Variants in DIAPH3 observed in about 807,000 individuals in gnomAD.
DIAPH3 encodes protein diaphanous homolog 3.
Under a neutral mutation model 144.3 loss-of-function variants are expected in DIAPH3, and 117 were observed. That is an observed-to-expected ratio of 0.81 (90% CI 0.70 to 0.95). The LOEUF (loss-of-function observed/expected upper bound fraction) is 0.95, where lower values mean the gene tolerates loss of function less well. Ranked by LOEUF, DIAPH3 falls within the 40% of genes least tolerant of loss-of-function variation. The pLI, the probability that DIAPH3 is intolerant of heterozygous loss-of-function variation, is 0.00. For synonymous variants in DIAPH3, 519 were observed against 488.9 expected, an observed-to-expected ratio of 1.06 and a Z score of -0.81; for missense variants, 1,421 against 1,412.7, an observed-to-expected ratio of 1.01 and a Z score of -0.09.
At chr13:59,940,923 G>T (rs1215614364) in intron 17 of DIAPH3, among the ~76,000 whole-genome samples, 1 of 152,164 alleles carries the variant, frequency 6.6e-6, no homozygotes, top group Non-Finnish European at 1.5e-5. Flanking sequence ...ATTCTACCCT[G>T]CAGAGAAAGT....
intron 15 of DIAPH3, among the ~76,000 whole-genome samples, chr13:59,971,534 T>C (rs17057477): frequency 0.07 from 10,633 of 152,142 alleles, 413 homozygotes; most frequent in Admixed American, 0.11. Flanking sequence ...ATGGAGAGAA[T>C]ATGTAGCATG....
chr13:59,777,922 T>C (rs933108327), intron 25 of DIAPH3, among the ~76,000 whole-genome samples: 12 of 152,134 alleles, frequency 7.9e-5, no homozygotes, highest in Non-Finnish European at 1.8e-4. Context: ...AAGTTATATA[T>C]GACGTTATTG....
chr13:60,050,731 T>C (rs1333645769), intron 4 of DIAPH3, among the ~76,000 whole-genome samples: 2 of 152,144 alleles, frequency 1.3e-5, no homozygotes, highest in Non-Finnish European at 2.9e-5. Context: ...TGGATAAGTA[T>C]TGGAGAGTTC....
rs539438946 is a variant in DIAPH3 at position 59,790,869 on chromosome 13, C to T, written c.3164-16046G>A. Among the ~76,000 whole-genome samples, 9 of 152,240 alleles carry T rather than the reference C, an allele frequency of 5.9e-5. No homozygotes were observed. In the East Asian group the frequency reaches 1.5e-3, roughly 26 times the overall value. On this transcript the variant is annotated intron_variant, in intron 25 of 27. Coordinates refer to ENST00000400324, the MANE Select transcript of DIAPH3 (RefSeq NM_001042517.2). ...CAAGAGAACAATGAAAGACTCCCTC[C>T]CCCCGCTCCACAACTATAAAAAGCT...
intron 22 of DIAPH3, among the ~76,000 whole-genome samples, chr13:59,852,618 G>A (rs559203774): frequency 1.8e-4 from 27 of 152,208 alleles, no homozygotes; most frequent in South Asian, 6.2e-4. Context: ...TGTCCAACTC[G>A]TAAAAATGCA....
chr13:60,053,408 T>G (rs1343168657), intron 4 of DIAPH3, among the ~76,000 whole-genome samples: 3 of 152,148 alleles, frequency 2.0e-5, no homozygotes, highest in Non-Finnish European at 4.4e-5. Context: ...TCTTTTTAAA[T>G]CCTTTAGCAA....
chr13:59,892,880 T>C (rs1193408707), intron 20 of DIAPH3, among the ~76,000 whole-genome samples: 1 of 152,010 alleles, frequency 6.6e-6, no homozygotes, highest in Admixed American at 6.6e-5. Flanking sequence ...ATAGACTGCC[T>C]ATAAAAACTG....
intron 24 of DIAPH3, among the ~76,000 whole-genome samples, chr13:59,823,563 T>C (rs1380248728): frequency 6.6e-6 from 1 of 152,174 alleles, no homozygotes; most frequent in Non-Finnish European, 1.5e-5. Context: ...ATGCTTCCTA[T>C]TAAAATTGCA....
chr13:59,873,535 G>A (rs1006617804), intron 21 of DIAPH3, among the ~76,000 whole-genome samples: 2 of 152,094 alleles, frequency 1.3e-5, no homozygotes, highest in Non-Finnish European at 2.9e-5. Flanking sequence ...AAAATGGCTC[G>A]AGAAACAGGC....
At position 59,969,945 on chromosome 13, in the gene DIAPH3, T is replaced by A; in HGVS notation, c.2073A>T (p.Lys691Asn). ...AAATAATCAAGATGTTAAACTTACC[T>A]TTTTGTTGGCAACAAAATGTATTCT... Reference protein sequence around the residue: ...KLENTFCCQQKERREEEDIEE... With the variant: ...KLENTFCCQQNERREEEDIEE... The change falls in exon 17 of 28, where the codon AAA (lysine) becomes AAT (asparagine). Residue 691 changes from lysine (K) to asparagine (N), a missense_variant and splice_region_variant. Coordinates refer to ENST00000400324, the MANE Select transcript of DIAPH3 (RefSeq NM_001042517.2). The A allele has an allele frequency of 6.3e-7, 1 of 1,583,244 alleles. No homozygotes were observed. Among genetic ancestry groups the A allele is most frequent in the Non-Finnish European group, 8.7e-7 (1 of 1,155,824 alleles).
rs191010233 is a variant in DIAPH3, at chr13:59,990,577, T to C, written c.1361+581A>G. Among the ~76,000 whole-genome samples the C allele has an allele frequency of 1.3e-3, 200 of 152,032 alleles. 1 individual carries two copies. The highest frequency in any genetic ancestry group is 4.6e-3 in the African/African-American group (191 of 41,532). ...TAGAACTTTTACCCACATTCCCATA[T>C]TTCATCTGCCTAACAACCCAGTGAG... is the stretch of plus-strand genomic sequence containing the variant. On this transcript the variant is annotated intron_variant, in intron 12 of 27. Transcript: ENST00000400324.
At chr13:60,033,842 A>T (rs917809102) in intron 5 of DIAPH3, among the ~76,000 whole-genome samples, 5 of 152,200 alleles carry the variant, frequency 3.3e-5, no homozygotes, top group Non-Finnish European at 7.3e-5. Flanking sequence ...TAATAAAAGA[A>T]CTATTAATCC....
At chr13:59,758,795 T>TA (rs2037418080) in intron 27 of DIAPH3, among the ~76,000 whole-genome samples, 1 of 150,972 alleles carries the variant, frequency 6.6e-6, no homozygotes, top group African/African-American at 2.4e-5. Context: ...TTTTTTTTTT[T>TA]AAGAGACAGG....
chr13:60,015,413 A>T (rs1026589959), intron 7 of DIAPH3, among the ~76,000 whole-genome samples: 1 of 152,188 alleles, frequency 6.6e-6, no homozygotes, highest in African/African-American at 2.4e-5. Flanking sequence ...ATCTGTTTAC[A>T]TTAATTTCAT....
intron 4 of DIAPH3, among the ~76,000 whole-genome samples, chr13:60,082,669 AC>A (rs2057602500): frequency 6.6e-6 from 1 of 152,126 alleles, no homozygotes; most frequent in African/African-American, 2.4e-5. Flanking sequence ...ATATACTATT[AC>A]CAACATGCAA....
chr13:59,793,598 A>G (rs2039433920), intron 25 of DIAPH3, among the ~76,000 whole-genome samples: 1 of 151,944 alleles, frequency 6.6e-6, no homozygotes, highest in South Asian at 2.1e-4. Context: ...TCTTCCTACT[A>G]CTTTCATGTG....
intron 17 of DIAPH3, among the ~76,000 whole-genome samples, chr13:59,940,701 A>T (rs940669589): frequency 8.5e-5 from 13 of 152,052 alleles, no homozygotes; most frequent in African/African-American, 3.1e-4. Flanking sequence ...TCATCTAATT[A>T]AAAAAAATCT....
At chr13:60,146,420 G>A (rs553044616) in intron 1 of DIAPH3, among the ~76,000 whole-genome samples, 4 of 152,206 alleles carry the variant, frequency 2.6e-5, no homozygotes, top group African/African-American at 4.8e-5. Flanking sequence ...CTGCCTGCCA[G>A]AGCTAAACAT....
At chr13:59,852,326 A>T (rs1185140190) in intron 22 of DIAPH3, among the ~76,000 whole-genome samples, 4 of 152,174 alleles carry the variant, frequency 2.6e-5, no homozygotes, top group African/African-American at 9.7e-5. Context: ...CACTTATATC[A>T]TTTCTCATAA....
Sources: gnomAD v4.1 joint callset for allele counts (sites outside exome capture counted in the v4.1 genomes callset) on GRCh38, gnomAD v4.1.1 for gene constraint, MANE v1.5 for transcripts, NCBI Gene and HGNC (gene_info 2026-07-23, HGNC 2026-07-21) for gene names.